The following FHAD1 variants were observed in gnomAD, a reference collection of about 807,000 sequenced individuals.
The protein encoded by FHAD1 is forkhead-associated domain-containing protein 1.
Under a neutral mutation model 191.3 loss-of-function variants are expected in FHAD1, and 146 were observed. That is an observed-to-expected ratio of 0.76 (90% confidence interval 0.67 to 0.88). FHAD1 has a LOEUF of 0.88. FHAD1 is among the 40% of genes least tolerant of loss of function. The probability of loss-of-function intolerance (pLI) is 0.00; values close to 1 mark genes in which losing one functional copy is unlikely to be tolerated. For missense variants in FHAD1, 1,635 were observed against 1,785.8 expected, an observed-to-expected ratio of 0.92 and a Z score of 1.52; for synonymous variants, 616 against 672.3, an observed-to-expected ratio of 0.92 and a Z score of 1.29.
At chr1:15,353,608 G>A (rs1691621411) in intron 20 of FHAD1, among the ~76,000 whole-genome samples, 2 of 150,726 alleles carry the variant, frequency 1.3e-5, no homozygotes, top group African/African-American at 4.9e-5. Context: ...AGAAGGCTGA[G>A]GCAGGAGAAT....
At position 15,360,710 on chromosome 1, in the gene FHAD1, C is replaced by A; in HGVS notation, c.2962+7C>A. ...TTGAAGGACAATGACCCAGGTAAGT[C>A]CGAAGGGAGGCCAAGGAAATCTTAG... On this transcript the variant is annotated splice_region_variant and intron_variant, in intron 22 of 33. Transcript: ENST00000688493. 1 of 1,549,984 alleles carries A rather than the reference C, an allele frequency of 6.5e-7. No homozygotes were observed. Among genetic ancestry groups the A allele is most frequent in the East Asian group, 2.4e-5 (1 of 40,912 alleles).
Position 15,311,658 on chromosome 1 carries a change from A to G in FHAD1, c.1040-1399A>G, listed in dbSNP as rs1574228145. On this transcript the variant is annotated intron_variant, in intron 7 of 33. Transcript: ENST00000688493. This position sits in a 1 kb window ranked among gnomAD's most constrained non-coding sequence, Gnocchi z 4.1. Reference sequence around the variant, plus strand: ...CAATAAAGATTGATTCTTGATTGATACCCACCAATAAAACTAGGATGAATG... The same window carrying G: ...CAATAAAGATTGATTCTTGATTGATGCCCACCAATAAAACTAGGATGAATG... Among the ~76,000 whole-genome samples, 1 of 152,190 alleles carries G rather than the reference A, an allele frequency of 6.6e-6. No homozygotes were observed. The highest frequency in any genetic ancestry group is 2.4e-5 in the African/African-American group (1 of 41,440).
chr1:15,258,100 C>T (rs1353224232), intron 2 of FHAD1, among the ~76,000 whole-genome samples: 1 of 152,144 alleles, frequency 6.6e-6, no homozygotes, highest in Non-Finnish European at 1.5e-5. Flanking sequence ...CCTCAGCCTC[C>T]CAAAGTGCTG....
upstream of FHAD1, among the ~76,000 whole-genome samples, chr1:15,244,292 C>G (rs765275190): frequency 6.6e-6 from 1 of 152,188 alleles, no homozygotes; most frequent in Non-Finnish European, 1.5e-5. This position sits in a 1 kb window ranked among gnomAD's most constrained non-coding sequence, Gnocchi z 5.1. Flanking sequence ...AACTTCGGCT[C>G]CACTGATTCT....
Position 15,382,311 on chromosome 1 carries a change from G to A in FHAD1, c.4188+118G>A, listed in dbSNP as rs544812882. The A allele has an allele frequency of 6.2e-5, 63 of 1,020,248 alleles. No individual in the cohort carries two copies. The South Asian group carries it at 1.0e-3, about 17-fold the overall frequency. The allele number at this position is 1,020,248 out of a possible 1,614,324, so 63.2% of individuals were successfully genotyped here. On this transcript the variant is annotated intron_variant, in intron 31 of 33. Coordinates refer to ENST00000688493, the MANE Select transcript of FHAD1 (RefSeq NM_001391957.1). ...CACAGAACACAGGGATGGATGCAAA[G>A]GGAGGCAACTGGATAGCTTTTGCAT...
At chr1:15,352,775 C>A in intron 19 of FHAD1, 102 bp from the exon 20 acceptor site, 1 of 821,910 alleles carries the variant, frequency 1.2e-6, no homozygotes, top group South Asian at 1.6e-5. Context: ...TTCTCTCCAA[C>A]CCTGACTTGG....
At chr1:15,373,673 C>T (rs1265533076) in intron 26 of FHAD1, among the ~76,000 whole-genome samples, 1 of 152,110 alleles carries the variant, frequency 6.6e-6, no homozygotes, top group East Asian at 1.9e-4. Flanking sequence ...GGCAACAAAG[C>T]GACATCCTGT....
In FHAD1 at chr1:15,328,429, G is replaced by C. The variant is rs913553567; in HGVS notation, c.1710G>C (p.Gln570His). The C allele has an allele frequency of 4.0e-6, 6 of 1,510,740 alleles. No individual in the cohort carries two copies. Among genetic ancestry groups the C allele is most frequent in the Non-Finnish European group, 5.3e-6 (6 of 1,129,614 alleles). The allele number at this position is 1,510,740 out of a possible 1,614,324, so 93.6% of individuals were successfully genotyped here. The change falls in exon 13 of 34, where the codon CAG (glutamine) becomes CAC (histidine). Residue 570 changes from glutamine to histidine, a missense_variant and splice_region_variant. Gln to His is a conservative substitution (Grantham distance 24). Transcript: ENST00000688493. ...TGAGGACGTCGCTGGACAGCTGCCA[G>C]GTGGCCCCTCCTTACGCTTTCCACA... ...EKLRTSLDSC[Q>H]ACMKISCCSH...
intron 28 of FHAD1, among the ~76,000 whole-genome samples, chr1:15,377,131 C>T (rs534412185): frequency 2.0e-5 from 3 of 152,286 alleles, no homozygotes; most frequent in Non-Finnish European, 2.9e-5. Context: ...TCACAGGACC[C>T]GCCGAGGGCA....
chr1:15,358,958 C>T (rs1385801980), intron 21 of FHAD1, among the ~76,000 whole-genome samples: 2 of 151,760 alleles, frequency 1.3e-5, no homozygotes, highest in East Asian at 1.9e-4. Context: ...CTGGGGGAGG[C>T]GTGGGGGGAA....
chr1:15,249,759 C>G (rs1348427021), intron 1 of FHAD1, among the ~76,000 whole-genome samples: 1 of 152,064 alleles, frequency 6.6e-6, no homozygotes, highest in African/African-American at 2.4e-5. Context: ...TCCCAAGTGA[C>G]AACCTCTCCC....
chr1:15,330,854 G>A (rs1044796214), intron 14 of FHAD1, among the ~76,000 whole-genome samples: 1 of 152,174 alleles, frequency 6.6e-6, no homozygotes, highest in African/African-American at 2.4e-5. Flanking sequence ...GAGCTGGACA[G>A]GCTTGCATTC....
intron 33 of FHAD1, among the ~76,000 whole-genome samples, chr1:15,391,999 T>G (rs1383691257): frequency 6.6e-6 from 1 of 152,122 alleles, no homozygotes; most frequent in Non-Finnish European, 1.5e-5. Context: ...GACATGGAGA[T>G]GTAAAATGAC....
chr1:15,317,183 T>A (rs936042436), intron 9 of FHAD1, among the ~76,000 whole-genome samples: 2 of 152,158 alleles, frequency 1.3e-5, no homozygotes, highest in Non-Finnish European at 2.9e-5. Flanking sequence ...AGAGCGAGAC[T>A]CTGTCTCAAA....
intron 6 of FHAD1, 105 bp from the exon 7 acceptor site, chr1:15,308,508 C>T: frequency 6.8e-7 from 1 of 1,469,030 alleles, no homozygotes; most frequent in East Asian, 2.5e-5. Context: ...CCCAACACCC[C>T]AGCCAAAACT....
rs551037179 is a variant in FHAD1, at chr1:15,297,795, GT to G, written c.678+1009del. ...ACCTCGGTTGGGACACCTGGAATTA[GT>G]TTTTTTGCTTGTTTGTTATTTTTTT... On this transcript the variant is annotated intron_variant, in intron 5 of 33. Transcript: ENST00000688493. Among the ~76,000 whole-genome samples the G allele has an allele frequency of 3.0e-3, 460 of 152,092 alleles. 3 individuals are homozygous for G. Among genetic ancestry groups the G allele is most frequent in the African/African-American group, 0.011 (442 of 41,488 alleles).
At chr1:15,357,592 C>T (rs1693257564) in intron 20 of FHAD1, among the ~76,000 whole-genome samples, 1 of 145,990 alleles carries the variant, frequency 6.8e-6, no homozygotes, top group Non-Finnish European at 1.5e-5. Context: ...CGTTGCGCTC[C>T]AGCCCAGGTG....
chr1:15,367,178 A>T lies in FHAD1; in HGVS notation c.3155-285A>T, dbSNP rs2496347. 0.41 allele frequency among the ~76,000 whole-genome samples: 61,966 copies of T among 151,976 alleles called. 15,016 individuals are homozygous for T. Among genetic ancestry groups the T allele is most frequent in the African/African-American group, 0.68 (28,293 of 41,420 alleles). ...TGACCCCAAGTAAGTCCCTTACCTC[A>T]TTGAGCCTCAGTTTCTGCATCTGTG... On this transcript the variant is annotated intron_variant, in intron 24 of 33. Coordinates refer to ENST00000688493, the MANE Select transcript of FHAD1 (RefSeq NM_001391957.1).
chr1:15,270,906 G>A (rs1312630823), intron 2 of FHAD1, among the ~76,000 whole-genome samples: 2 of 152,180 alleles, frequency 1.3e-5, no homozygotes, highest in South Asian at 2.1e-4. Flanking sequence ...TTGGGAGGCC[G>A]AGGTGGGTGG....
Sources: gnomAD v4.1 joint callset for allele counts (sites outside exome capture counted in the v4.1 genomes callset) on GRCh38, gnomAD v4.1.1 for gene constraint, Gnocchi (gnomAD v3.1) non-coding constraint, MANE v1.5 for transcripts, NCBI Gene and HGNC (gene_info 2026-07-23, HGNC 2026-07-21) for gene names.